Variants in PTPRN2 observed in about 807,000 individuals in gnomAD.
PTPRN2 encodes receptor-type tyrosine-protein phosphatase N2.
In PTPRN2, 74 loss-of-function variants were observed where a neutral mutation model predicts 118.8. The observed-to-expected ratio is 0.62, with a 90% CI of 0.52 to 0.76. The LOEUF (loss-of-function observed/expected upper bound fraction) is 0.76, where lower values mean the gene tolerates loss of function less well. PTPRN2 is among the 30% of genes least tolerant of loss of function. The probability of loss-of-function intolerance (pLI) is 0.00; values close to 1 mark genes in which losing one functional copy is unlikely to be tolerated. For missense variants in PTPRN2, 1,481 were observed against 1,394.4 expected, an observed-to-expected ratio of 1.06 and a Z score of -0.99; for synonymous variants, 641 against 608.0, an observed-to-expected ratio of 1.05 and a Z score of -0.80.
chr7:157,633,764 C>T (rs1804115596), intron 14 of PTPRN2, among the ~76,000 whole-genome samples: 1 of 152,198 alleles, frequency 6.6e-6, no homozygotes, highest in South Asian at 2.1e-4. Flanking sequence ...AAGGTCGGGG[C>T]TGCAGAGAAG....
intron 12 of PTPRN2, chr7:157,865,509 C>G (rs931980022): frequency 6.6e-6 from 1 of 152,180 alleles, no homozygotes; most frequent in African/African-American, 2.4e-5. Flanking sequence ...CGTGGGGCCA[C>G]GACGGACCCT....
chr7:157,589,382 G>A (rs527923688), intron 17 of PTPRN2, among the ~76,000 whole-genome samples: 2 of 152,336 alleles, frequency 1.3e-5, no homozygotes, highest in South Asian at 2.1e-4. Context: ...CAATGGGTGC[G>A]TGTCTTTCAC....
At chr7:158,448,969 C>T (rs964849775) in intron 2 of PTPRN2, among the ~76,000 whole-genome samples, 1 of 152,120 alleles carries the variant, frequency 6.6e-6, no homozygotes, top group South Asian at 2.1e-4. Context: ...GTGACACCCC[C>T]GCCTCCTCTC....
chr7:158,164,412 G>A (rs1217649328), intron 6 of PTPRN2, among the ~76,000 whole-genome samples: 1 of 39,808 alleles, frequency 2.5e-5, no homozygotes, highest in African/African-American at 5.5e-5. Context: ...GAGCGCGCGC[G>A]TAGGAAGGGC....
chr7:158,157,740 C>A (rs1272024214), intron 6 of PTPRN2, among the ~76,000 whole-genome samples: 1 of 150,030 alleles, frequency 6.7e-6, no homozygotes, highest in Admixed American at 6.6e-5. Context: ...ATATAAGCCA[C>A]AGAGTGACCC....
chr7:158,433,638 T>C (rs1816377343), intron 2 of PTPRN2, among the ~76,000 whole-genome samples: 1 of 152,250 alleles, frequency 6.6e-6, no homozygotes, highest in South Asian at 2.1e-4. Context: ...TCACATCTTT[T>C]AAAGAAGCAA....
Position 157,823,092 on chromosome 7 carries a change from G to A in PTPRN2, c.1788+75581C>T, listed in dbSNP as rs150062258. Among the ~76,000 whole-genome samples the A allele has an allele frequency of 2.7e-4, 41 of 150,812 alleles. 3 individuals carry two copies. The East Asian group carries it at 8.0e-3, about 29-fold the overall frequency. On this transcript the variant is annotated intron_variant, in intron 12 of 22. Coordinates refer to ENST00000389418, the MANE Select transcript of PTPRN2 (RefSeq NM_002847.5). The stretch of plus-strand genomic sequence containing the variant: ...CACTATCCATCATCCATCCATGCAT[G>A]CATCCATCTATCCTTCCTTCCATCC...
At chr7:157,798,063 A>G (rs970604126) in intron 12 of PTPRN2, among the ~76,000 whole-genome samples, 4 of 152,184 alleles carry the variant, frequency 2.6e-5, no homozygotes, top group African/African-American at 9.6e-5. Flanking sequence ...GTTCGAGACC[A>G]GTCTGTCCAA....
At chr7:158,377,263 C>T (rs896929812) in intron 2 of PTPRN2, among the ~76,000 whole-genome samples, 4 of 151,900 alleles carry the variant, frequency 2.6e-5, no homozygotes, top group Non-Finnish European at 5.9e-5. Flanking sequence ...GGGGACTCCC[C>T]CACAGCCCTG....
intron 2 of PTPRN2, among the ~76,000 whole-genome samples, chr7:158,477,948 C>A (rs1238975786): frequency 1.3e-5 from 2 of 152,216 alleles, no homozygotes; most frequent in Non-Finnish European, 2.9e-5. Flanking sequence ...CACACATCCA[C>A]CCTTGGCCAG....
At chr7:157,836,091 G>C (rs1253426582) in intron 12 of PTPRN2, among the ~76,000 whole-genome samples, 1 of 152,202 alleles carries the variant, frequency 6.6e-6, no homozygotes, top group Non-Finnish European at 1.5e-5. Context: ...TTCATGAAGA[G>C]ATTATCCCAG....
chr7:158,171,294 CATATATATACACACATATATATATATAT>C (rs1823631291), intron 5 of PTPRN2, among the ~76,000 whole-genome samples: 3 of 62,162 alleles, frequency 4.8e-5, no homozygotes, highest in Non-Finnish European at 8.5e-5. Context: ...TATATACACA[CATATATATACACACATATATATATATAT>C]ATATATATAT....
chr7:157,721,319 G>A (rs148076485), intron 12 of PTPRN2, among the ~76,000 whole-genome samples: 6 of 152,282 alleles, frequency 3.9e-5, no homozygotes, highest in South Asian at 4.1e-4. Context: ...TTCCCTCGTC[G>A]GAAAGTCTCC....
Position 157,711,983 on chromosome 7 carries a change from AC to A in PTPRN2, c.1789-29047del, listed in dbSNP as rs1399466246. Among the ~76,000 whole-genome samples the A allele has an allele frequency of 2.6e-3, 144 of 54,922 alleles. 2 individuals are homozygous for A. Among genetic ancestry groups the A allele is most frequent in the African/African-American group, 6.6e-3 (72 of 10,846 alleles). The allele number at this position is 54,922 out of a possible 152,430, so 36.0% of individuals were successfully genotyped here. A position where few individuals can be genotyped will look rare whatever the true frequency, so the allele number is the denominator to read the frequency against. The stretch of plus-strand genomic sequence containing the variant: ...GAAGGGGGGCCGGGCAGCTGGGGGC[AC>A]CATGAGTGGGGGGAGGGGCTGCGTG... On this transcript the variant is annotated intron_variant, in intron 12 of 22. Coordinates refer to ENST00000389418, the MANE Select transcript of PTPRN2 (RefSeq NM_002847.5).
chr7:158,059,402 A>G (rs6956227), intron 11 of PTPRN2, among the ~76,000 whole-genome samples: 3,937 of 97,104 alleles, frequency 0.041, 83 homozygotes, highest in Admixed American at 0.058. Flanking sequence ...CCACGGTGAC[A>G]CATCACTGCA....
chr7:158,247,474 C>T (rs1010194283), intron 3 of PTPRN2, among the ~76,000 whole-genome samples: 1 of 152,206 alleles, frequency 6.6e-6, no homozygotes, highest in Non-Finnish European at 1.5e-5. Context: ...CCCCTGCTTC[C>T]CCACCACGCC....
chr7:158,042,637 G>A (rs1422656136), intron 11 of PTPRN2, among the ~76,000 whole-genome samples: 1 of 152,180 alleles, frequency 6.6e-6, no homozygotes, highest in African/African-American at 2.4e-5. Context: ...GCAAGCTTCG[G>A]GAGGGCAGGG....
chr7:157,885,561 C>T (rs73746694), intron 12 of PTPRN2, among the ~76,000 whole-genome samples: 1,653 of 152,334 alleles, frequency 0.011, 30 homozygotes, highest in African/African-American at 0.038. Context: ...CTGACAGACA[C>T]ACCTCTGGGC....
intron 2 of PTPRN2, among the ~76,000 whole-genome samples, chr7:158,331,828 AC>A (rs1804518713): frequency 9.5e-6 from 1 of 104,818 alleles, no homozygotes; most frequent in Non-Finnish European, 2.2e-5. Flanking sequence ...AAGAGGTGAC[AC>A]CCGCAGACGA....
Sources: gnomAD v4.1 joint callset for allele counts (sites outside exome capture counted in the v4.1 genomes callset) on GRCh38, gnomAD v4.1.1 for gene constraint, MANE v1.5 for transcripts, NCBI Gene and HGNC (gene_info 2026-07-23, HGNC 2026-07-21) for gene names.